ZC3H14: variants seen among roughly 807,000 people sequenced by gnomAD.
The protein encoded by ZC3H14 is zinc finger CCCH-type containing 14.
In ZC3H14, 31 loss-of-function variants were observed where a neutral mutation model predicts 92.4. That is an observed-to-expected ratio of 0.34 (90% CI 0.25 to 0.45). The LOEUF is 0.45. Ranked by LOEUF, ZC3H14 falls within the 20% of genes least tolerant of loss-of-function variation. ZC3H14 has a pLI of 1.00. For synonymous variants in ZC3H14, 321 were observed against 300.9 expected (o/e 1.07, Z -0.69); for missense variants, 781 against 897.3 (o/e 0.87, Z 1.66).
rs912694875 is a variant in ZC3H14, at chr14:88,609,907, G to A, written c.2097+104G>A. ...ACTACATTGGTGCAAAAGTAATTGC[G>A]ATTTTTGCCAGTAAAACTATTAAGT... On this transcript the variant is annotated intron_variant, in intron 15 of 16. Transcript: ENST00000251038. 9 of 1,241,048 alleles carry A rather than the reference G, an allele frequency of 7.3e-6. No homozygotes were observed. The Admixed American group carries it at 1.5e-4, about 21-fold the overall frequency. 76.9% of individuals were successfully genotyped at this position (1,241,048 alleles called of 1,614,324 possible). A position where few individuals can be genotyped will look rare whatever the true frequency, so the allele number is the denominator to read the frequency against.
chr14:88,610,826 C>T lies in ZC3H14; in HGVS notation c.2098-8C>T. The T allele has an allele frequency of 6.2e-7, 1 of 1,611,554 alleles. No individual in the cohort carries two copies. The highest frequency in any genetic ancestry group is 8.5e-7 in the Non-Finnish European group (1 of 1,177,708). On this transcript the variant is annotated splice_region_variant and splice_polypyrimidine_tract_variant and intron_variant, in intron 15 of 16. Coordinates refer to ENST00000251038, the MANE Select transcript of ZC3H14 (RefSeq NM_024824.5). ...GGATATTGTTGAAGCTCTGTTATCTCTATTCAGCATTGTAGGTTTAACACT... is the reference window on the plus strand; with the variant it reads ...GGATATTGTTGAAGCTCTGTTATCTTTATTCAGCATTGTAGGTTTAACACT...
In ZC3H14 at chr14:88,622,561, TTC is replaced by T. The variant is rs781717263; in HGVS notation, c.*10812_*10813del. 3.6e-5 allele frequency: 53 copies of T among 1,452,918 alleles called. No individual in the cohort carries two copies. The highest frequency in any genetic ancestry group is 1.3e-4 in the Admixed American group (6 of 45,856). The allele number at this position is 1,452,918 out of a possible 1,614,324, so 90.0% of individuals were successfully genotyped here. A position where few individuals can be genotyped will look rare whatever the true frequency, so the allele number is the denominator to read the frequency against. ...TGAGGGAATCACAGTAATAACCACT[TTC>T]TGTTTTCTGCTGCACTGTATCAGCT... On this transcript the variant is annotated 3_prime_UTR_variant, in exon 17 of 17. Transcript: ENST00000251038.
intron 13 of ZC3H14, 88 bp downstream of exon 13, chr14:88,607,451 A>G: frequency 6.8e-7 from 1 of 1,474,940 alleles, no homozygotes; most frequent in South Asian, 1.1e-5. Context: ...TCACCTGGCA[A>G]GTACCATCCC....
chr14:88,578,376 A>G (rs1209583363), intron 9 of ZC3H14, among the ~76,000 whole-genome samples: 1 of 152,170 alleles, frequency 6.6e-6, no homozygotes, highest in Non-Finnish European at 1.5e-5. Flanking sequence ...TCCTGGGCTC[A>G]AGCAGTCCTC....
In ZC3H14 at chr14:88,618,705, T is replaced by C. The variant is rs541600190; in HGVS notation, c.*6954T>C. The C allele has an allele frequency of 6.2e-7, 1 of 1,612,040 alleles. No individual in the cohort carries two copies. Among genetic ancestry groups the C allele is most frequent in the South Asian group, 1.1e-5 (1 of 90,472 alleles). Reference sequence around the variant, plus strand: ...CATTTGAATGACAAAGCTTGGAATGTCTTTGCAGTAGCTGATTCTGTTAAG... The same window carrying C: ...CATTTGAATGACAAAGCTTGGAATGCCTTTGCAGTAGCTGATTCTGTTAAG... On this transcript the variant is annotated 3_prime_UTR_variant, in exon 17 of 17. Coordinates refer to ENST00000251038, the MANE Select transcript of ZC3H14 (RefSeq NM_024824.5).
chr14:88,581,089 T>TA (rs1322422141), intron 9 of ZC3H14, among the ~76,000 whole-genome samples: 1 of 152,198 alleles, frequency 6.6e-6, no homozygotes, highest in African/African-American at 2.4e-5. Flanking sequence ...TTCAGACAAG[T>TA]AAAAGCCTGT....
At chr14:88,590,237 CT>C (rs2082952278) in intron 9 of ZC3H14, 1 of 152,362 alleles carries the variant, frequency 6.6e-6, no homozygotes, top group African/African-American at 2.4e-5. Flanking sequence ...ACTTGCCTTC[CT>C]TCAGTCCATC....
chr14:88,585,463 G>A (rs1363849626), intron 9 of ZC3H14, among the ~76,000 whole-genome samples: 3 of 150,268 alleles, frequency 2.0e-5, no homozygotes, highest in Non-Finnish European at 2.9e-5. Context: ...CGCAACCTCC[G>A]ACTCCTTGGT....
chr14:88,583,530 A>G (rs569266123), intron 9 of ZC3H14, among the ~76,000 whole-genome samples: 6 of 152,186 alleles, frequency 3.9e-5, no homozygotes, highest in Admixed American at 1.3e-4. Flanking sequence ...TTAATTCATC[A>G]TGTTTTCATT....
At chr14:88,571,626 C>A (rs2080403888) in intron 4 of ZC3H14, among the ~76,000 whole-genome samples, 1 of 152,012 alleles carries the variant, frequency 6.6e-6, no homozygotes, top group Admixed American at 6.6e-5. Context: ...AATAAACATA[C>A]TGCTTTTGAA....
At chr14:88,576,687 G>C (rs2081200301) in intron 8 of ZC3H14, among the ~76,000 whole-genome samples, 1 of 152,164 alleles carries the variant, frequency 6.6e-6, no homozygotes, top group South Asian at 2.1e-4. Flanking sequence ...TTTTGCTGTG[G>C]ATTTGGTGGG....
At chr14:88,607,832 C>T (rs1400158830) in intron 13 of ZC3H14, among the ~76,000 whole-genome samples, 2 of 137,058 alleles carry the variant, frequency 1.5e-5, no homozygotes, top group African/African-American at 5.5e-5. Flanking sequence ...CAAGTACCAT[C>T]CCCCACCTCA....
In ZC3H14 at chr14:88,623,017, C is replaced by CTT. The variant is rs33958046; in HGVS notation, c.*11281_*11282dup. On this transcript the variant is annotated 3_prime_UTR_variant, in exon 17 of 17. Transcript: ENST00000251038. ...CAATACATTATCCTCTCTCATAATA[C>CTT]TTTTTTTTTTTTTTTTAAGATGTAG... is the stretch of plus-strand genomic sequence containing the variant. 15,023 of 150,478 alleles carry CTT rather than the reference C, an allele frequency of 0.1. 883 individuals are homozygous for CTT. The highest frequency in any genetic ancestry group is 0.13 in the Non-Finnish European group (9,178 of 71,740). 9.3% of individuals were successfully genotyped at this position (150,478 alleles called of 1,614,324 possible). A position where few individuals can be genotyped will look rare whatever the true frequency, so the allele number is the denominator to read the frequency against.
At chr14:88,607,895 CCTGCAAGTATCATCCCCCA>C (rs2140127556) in intron 13 of ZC3H14, among the ~76,000 whole-genome samples, 1 of 123,504 alleles carries the variant, frequency 8.1e-6, no homozygotes, top group Non-Finnish European at 1.7e-5. Flanking sequence ...CCCATCTCAC[CCTGCAAGTATCATCCCCCA>C]CCTCACCCTG....
chr14:88,582,303 G>A (rs1352174148), intron 9 of ZC3H14, among the ~76,000 whole-genome samples: 6 of 152,204 alleles, frequency 3.9e-5, no homozygotes, highest in Non-Finnish European at 5.9e-5. Flanking sequence ...TCCCAGTCCA[G>A]CAGTCAGTTT....
At chr14:88,583,745 A>G (rs191301295) in intron 9 of ZC3H14, among the ~76,000 whole-genome samples, 11 of 152,316 alleles carry the variant, frequency 7.2e-5, no homozygotes, top group Admixed American at 6.5e-4. Flanking sequence ...AATCAAGTTT[A>G]TGCATCTTCC....
At chr14:88,581,643 A>G (rs1258124409) in intron 9 of ZC3H14, among the ~76,000 whole-genome samples, 2 of 152,194 alleles carry the variant, frequency 1.3e-5, no homozygotes, top group Non-Finnish European at 2.9e-5. Flanking sequence ...AAATGTTAAC[A>G]TGATCCTGGA....
rs76401631 is a variant in ZC3H14 at position 88,597,326 on chromosome 14, G to A, written c.1354+518G>A. Among the ~76,000 whole-genome samples the A allele has an allele frequency of 8.8e-3, 1,334 of 152,180 alleles. 7 individuals carry two copies. The highest frequency in any genetic ancestry group is 0.031 in the African/African-American group (1,268 of 41,528). ...GGGCTACTCCAGGACTGGAGCTGAC[G>A]CCTTCATTTTTATTATCTCTGTCCT... On this transcript the variant is annotated intron_variant, in intron 10 of 16. Coordinates refer to ENST00000251038, the MANE Select transcript of ZC3H14 (RefSeq NM_024824.5).
intron 2 of ZC3H14, among the ~76,000 whole-genome samples, chr14:88,565,766 A>T (rs187789135): frequency 6.6e-6 from 1 of 152,152 alleles, no homozygotes; most frequent in Non-Finnish European, 1.5e-5. Context: ...TCCTTTTTCA[A>T]CTGCATATCT....
Sources: allele counts gnomAD v4.1 joint callset (sites outside exome capture counted in the v4.1 genomes callset), GRCh38; gene constraint gnomAD v4.1.1; transcripts MANE v1.5; gene names NCBI Gene and HGNC (gene_info 2026-07-23, HGNC 2026-07-21).